The following PPP1R12C variants were observed in gnomAD, a reference collection of about 807,000 sequenced individuals.
PPP1R12C encodes leukocyte receptor cluster (LRC) encoded novel gene 3.
PPP1R12C carries 48 observed loss-of-function variants against 95.6 expected under a neutral mutation model. That is an observed-to-expected ratio of 0.50 (90% CI 0.40 to 0.64). The LOEUF is 0.64. Among genes scored for constraint, PPP1R12C ranks in the 30% least tolerant of loss-of-function variants. The pLI is 0.00. For missense variants in PPP1R12C, 1,057 were observed against 1,083.3 expected (o/e 0.98, Z 0.34); for synonymous variants, 480 against 460.8 (o/e 1.04, Z -0.53).
intron 4 of PPP1R12C, among the ~76,000 whole-genome samples, 181 bp from the exon 5 acceptor site, chr19:55,099,276 G>T (rs936007861): frequency 6.6e-6 from 1 of 152,248 alleles, no homozygotes; most frequent in African/African-American, 2.4e-5. Flanking sequence ...ACCAGGCCTT[G>T]TCCCTCCCCT....
At chr19:55,110,347 GGTTGGT>G (rs1174373717) in intron 3 of PPP1R12C, among the ~76,000 whole-genome samples, 2,011 of 149,572 alleles carry the variant, frequency 0.013, 18 homozygotes, top group African/African-American at 0.046. Context: ...GTAGCATCAA[GGTTGGT>G]GCGGTGGGTG....
At chr19:55,117,073 G>A (rs1011879230) in intron 1 of PPP1R12C, 150 bp downstream of exon 1, 1 of 612,486 alleles carries the variant, frequency 1.6e-6, no homozygotes, top group Non-Finnish European at 2.3e-6. Flanking sequence ...TGGTAAGGGG[G>A]ACTGGGACGG....
rs556638218 is a variant in PPP1R12C at position 55,117,153 on chromosome 19, G to A, written c.321+70C>T. 122 of 1,158,454 alleles carry A rather than the reference G, an allele frequency of 1.1e-4. No individual in the cohort carries two copies. In the East Asian group the frequency reaches 3.0e-3, roughly 29 times the overall value. The allele number at this position is 1,158,454 out of a possible 1,614,324, so 71.8% of individuals were successfully genotyped here. ...GCGGATCGAGACTGGCAACGGGGAA[G>A]GAGGATGCCCCAGGTGGCGCAGCAG... On this transcript the variant is annotated intron_variant, in intron 1 of 21. Coordinates refer to ENST00000263433, the MANE Select transcript of PPP1R12C (RefSeq NM_017607.4).
intron 19 of PPP1R12C, 124 bp from the exon 20 acceptor site, chr19:55,092,033 C>T: frequency 7.8e-7 from 1 of 1,285,834 alleles, no homozygotes; most frequent in South Asian, 1.2e-5. Context: ...CCCCACGGGC[C>T]AGGCCCCGCC....
chr19:55,092,089 G>T (rs1203912239), intron 19 of PPP1R12C, 133 bp downstream of exon 19: 3 of 1,093,278 alleles, frequency 2.7e-6, no homozygotes, highest in African/African-American at 1.6e-5. Flanking sequence ...CTCCGCCTCC[G>T]AGATCTCGGC....
In PPP1R12C at chr19:55,112,765, G is replaced by A. The variant is rs142080632; in HGVS notation, c.352C>T (p.Arg118Cys). The A allele has an allele frequency of 2.4e-5, 38 of 1,613,324 alleles. No individual in the cohort carries two copies. Among genetic ancestry groups the A allele is most frequent in the Non-Finnish European group, 2.9e-5 (34 of 1,179,984 alleles). The change falls in exon 2 of 22, where the codon CGC becomes TGC. Residue 118 changes from arginine (R) to cysteine (C), a missense_variant. By Grantham distance (180) the Arg-to-Cys change is radical. Around this residue, in one of 5 missense-constraint regions of PPP1R12C, gnomAD observed 282 missense variants for 380.4 expected, o/e 0.74. Transcript: ENST00000263433. ...GTGGCGCCCTGCTCCACCAAGAAGC[G>A]CACCACCTCCAGGTTCTCATCAATG... ...ACIDENLEVV[R>C]FLVEQGATVN...
chr19:55,104,199 T>TATATATATATATATATACACAC (rs34075382), intron 3 of PPP1R12C, among the ~76,000 whole-genome samples: 100 of 119,998 alleles, frequency 8.3e-4, no homozygotes, highest in African/African-American at 3.3e-3. Flanking sequence ...TATATATATA[T>TATATATATATATATATACACAC]ACACACACAC....
chr19:55,100,850 G>A (rs2084972318), intron 4 of PPP1R12C, among the ~76,000 whole-genome samples: 1 of 152,066 alleles, frequency 6.6e-6, no homozygotes, highest in Admixed American at 6.5e-5. Flanking sequence ...CTGACCTCAT[G>A]ATCCGCCTGC....
At chr19:55,111,150 AGG>A (rs66532829) in intron 3 of PPP1R12C, among the ~76,000 whole-genome samples, 8,204 of 65,100 alleles carry the variant, frequency 0.13, 331 homozygotes, top group Non-Finnish European at 0.21. Flanking sequence ...GGTGGGGGGG[AGG>A]GGGGGGTGCA....
chr19:55,116,411 C>G (rs942328302), intron 1 of PPP1R12C, among the ~76,000 whole-genome samples: 1 of 151,968 alleles, frequency 6.6e-6, no homozygotes, highest in African/African-American at 2.4e-5. Flanking sequence ...CCTTGGGCAG[C>G]AACACAGCAG....
At chr19:55,094,512 A>T in intron 12 of PPP1R12C, 77 bp from the exon 13 acceptor site, 2 of 1,597,738 alleles carry the variant, frequency 1.3e-6, no homozygotes, top group Non-Finnish European at 1.7e-6. Context: ...CTCCGCGGGA[A>T]GCAAGTTCTG....
At chr19:55,113,726 G>T in intron 1 of PPP1R12C, 2 of 609,142 alleles carry the variant, frequency 3.3e-6, no homozygotes, top group East Asian at 7.7e-5. Flanking sequence ...CCAAGAGCAT[G>T]AGGTCATGGA....
Position 55,116,070 on chromosome 19 carries a change from G to A in PPP1R12C, c.321+1153C>T, listed in dbSNP as rs529839449. 3.3e-5 allele frequency among the ~76,000 whole-genome samples: 5 copies of A among 152,304 alleles called. No homozygotes were observed. In the East Asian group the frequency reaches 9.6e-4, roughly 29 times the overall value. ...TGACCCGAATCCACAGGAGAACGGGGTGTCCAGGCAAAGAAAGCAAGAGGA... is the reference window on the plus strand; with the variant it reads ...TGACCCGAATCCACAGGAGAACGGGATGTCCAGGCAAAGAAAGCAAGAGGA... On this transcript the variant is annotated intron_variant, in intron 1 of 21. Coordinates refer to ENST00000263433, the MANE Select transcript of PPP1R12C (RefSeq NM_017607.4).
chr19:55,095,211 TCTCACTCAGG>T, intron 11 of PPP1R12C, 70 bp downstream of exon 11: 1 of 1,426,292 alleles, frequency 7.0e-7, no homozygotes, highest in Non-Finnish European at 9.7e-7. Flanking sequence ...GGGTACATGG[TCTCACTCAGG>T]ATCACACGGA....
rs2084890618 is a variant in PPP1R12C at position 55,094,756 on chromosome 19, CGAG to C, written c.1494_1496del (p.Ser499del). ...CAGGCTCCGGAATCCTGGAGGGAGG[CGAG>C]GAGTTCTCCAAGCAAGGAGGAGGCT... On this transcript the variant is annotated inframe_deletion, in exon 12 of 22. Transcript: ENST00000263433. 1.2e-6 allele frequency: 2 copies of C among 1,607,154 alleles called. No individual in the cohort carries two copies. Among genetic ancestry groups the C allele is most frequent in the Non-Finnish European group, 1.7e-6 (2 of 1,177,996 alleles).
intron 3 of PPP1R12C, among the ~76,000 whole-genome samples, chr19:55,111,155 G>GGGA (rs2085091339): frequency 7.0e-6 from 1 of 141,930 alleles, no homozygotes; most frequent in Non-Finnish European, 1.5e-5. Context: ...GGGGGAGGGG[G>GGGA]GGGTGCATGG....
chr19:55,113,469 GA>G, intron 1 of PPP1R12C: 2 of 1,480,824 alleles, frequency 1.4e-6, no homozygotes, highest in Non-Finnish European at 1.8e-6. Flanking sequence ...GCCAGGGGCT[GA>G]CACGGGCCAC....
intron 11 of PPP1R12C, chr19:55,095,089 G>C (rs1018279157): frequency 6.6e-5 from 47 of 711,636 alleles, no homozygotes; most frequent in Middle Eastern, 7.9e-4. Flanking sequence ...CCTCGGGGTG[G>C]GGGGAAGATA....
Position 55,096,331 on chromosome 19 carries a change from C to A in PPP1R12C, c.956G>T (p.Arg319Leu), listed in dbSNP as rs201139942. 6.2e-7 allele frequency: 1 copy of A among 1,613,250 alleles called. No homozygotes were observed. Among genetic ancestry groups the A allele is most frequent in the Non-Finnish European group, 8.5e-7 (1 of 1,179,844 alleles). Residue 319 changes from arginine (R) to leucine (L), a missense_variant, in exon 7 of 22, where the codon CGG (arginine) becomes CTG (leucine). Arg to Leu is a moderately radical substitution (Grantham distance 102). Coordinates refer to ENST00000263433, the MANE Select transcript of PPP1R12C (RefSeq NM_017607.4). ...GCTCTGGGAAGCTTCTTTTTGGTTC[C>A]GAAGCTGCAAGGAGGGAAGGGGGCT... ...EELARKQEDL[R>L]NQKEASQSRG... is the part of the protein sequence containing the mutation.
Sources: gnomAD v4.1 joint callset for allele counts (sites outside exome capture counted in the v4.1 genomes callset) on GRCh38, gnomAD v4.1.1 for gene constraint, gnomAD v4.1.1 regional missense constraint, MANE v1.5 for transcripts, NCBI Gene and HGNC (gene_info 2026-07-23, HGNC 2026-07-21) for gene names.